GABBR2: variants seen among roughly 807,000 people sequenced by gnomAD.
GABBR2 encodes the protein G-protein coupled receptor 51.
GABBR2 carries 23 observed loss-of-function variants against 105.6 expected under a neutral mutation model. That is an observed-to-expected ratio of 0.22 (90% CI 0.16 to 0.31). GABBR2 has a LOEUF of 0.31. Among genes scored for constraint, GABBR2 ranks in the 10% least tolerant of loss-of-function variants. The pLI is 1.00. For synonymous variants in GABBR2, 478 were observed against 499.7 expected (o/e 0.96, Z 0.58); for missense variants, 734 against 1,245.5 (o/e 0.59, Z 6.18).
At chr9:98,561,341 C>G (rs1828671830) in intron 2 of GABBR2, among the ~76,000 whole-genome samples, 1 of 151,672 alleles carries the variant, frequency 6.6e-6, no homozygotes, top group Non-Finnish European at 1.5e-5. Context: ...AACAAGTATA[C>G]CTAGTACCCA....
At chr9:98,530,356 G>A (rs1828041474) in intron 3 of GABBR2, among the ~76,000 whole-genome samples, 1 of 152,178 alleles carries the variant, frequency 6.6e-6, no homozygotes, top group African/African-American at 2.4e-5. Context: ...GGGGATATTG[G>A]CCCCAGACTC....
chr9:98,618,568 TTCTC>T (rs370457548), intron 1 of GABBR2, among the ~76,000 whole-genome samples: 27 of 149,430 alleles, frequency 1.8e-4, no homozygotes, highest in African/African-American at 5.2e-4. Flanking sequence ...TTCTGTCTAT[TTCTC>T]TCTCTCTCTC....
chr9:98,289,910 C>T lies in GABBR2; in HGVS notation c.*674G>A, dbSNP rs577090124. 7.2e-5 allele frequency: 11 copies of T among 152,680 alleles called. No individual in the cohort carries two copies. Among genetic ancestry groups the T allele is most frequent in the African/African-American group, 2.6e-4 (11 of 41,586 alleles). The allele number at this position is 152,680 out of a possible 1,614,324, so 9.5% of individuals were successfully genotyped here. ...TGGGTGTTATTGTGTTAACGTGTGG[C>T]ATTTACCAGAGTAACAAACATCTCA... On this transcript the variant is annotated 3_prime_UTR_variant, in exon 19 of 19. Transcript: ENST00000259455.
chr9:98,308,888 G>T (rs1418376280), intron 14 of GABBR2, among the ~76,000 whole-genome samples: 3 of 152,226 alleles, frequency 2.0e-5, no homozygotes, highest in African/African-American at 7.2e-5. Flanking sequence ...TCCACGAATG[G>T]CACAGGCTCC....
Position 98,386,549 on chromosome 9 carries a change from G to A in GABBR2, c.1530-777C>T, listed in dbSNP as rs1014798280. 2.6e-5 allele frequency among the ~76,000 whole-genome samples: 4 copies of A among 152,234 alleles called. 1 individual carries two copies. In the Middle Eastern group the frequency reaches 0.01, roughly 388 times the overall value. On this transcript the variant is annotated intron_variant, in intron 10 of 18. Coordinates refer to ENST00000259455, the MANE Select transcript of GABBR2 (RefSeq NM_005458.8). ...GGGAGCATTCTTTATACTTCCAGACGCTGCATCCTTCTCTGTCATTTCCTC... is the reference window on the plus strand; with the variant it reads ...GGGAGCATTCTTTATACTTCCAGACACTGCATCCTTCTCTGTCATTTCCTC...
chr9:98,635,921 G>A (rs1829869187), intron 1 of GABBR2, among the ~76,000 whole-genome samples: 1 of 152,078 alleles, frequency 6.6e-6, no homozygotes, highest in Admixed American at 6.5e-5. Context: ...TTCACAACCA[G>A]ACTCTAGCCT....
intron 13 of GABBR2, among the ~76,000 whole-genome samples, chr9:98,312,415 G>A (rs1009585560): frequency 4.6e-5 from 7 of 152,146 alleles, no homozygotes; most frequent in Non-Finnish European, 1.0e-4. Flanking sequence ...TTCTTGTCAG[G>A]AATCCTACAT....
At chr9:98,557,186 G>A in intron 2 of GABBR2, among the ~76,000 whole-genome samples, 1 of 152,160 alleles carries the variant, frequency 6.6e-6, no homozygotes. Context: ...TTTTGCTCCA[G>A]CGTCCTCTCT....
At chr9:98,355,228 T>A (rs918560839) in intron 13 of GABBR2, among the ~76,000 whole-genome samples, 7 of 151,712 alleles carry the variant, frequency 4.6e-5, no homozygotes, top group African/African-American at 1.7e-4. Context: ...TGATCACAGA[T>A]CACCATAATA....
intron 6 of GABBR2, among the ~76,000 whole-genome samples, chr9:98,468,551 G>T (rs979850854): frequency 2.0e-5 from 3 of 152,116 alleles, no homozygotes; most frequent in African/African-American, 7.2e-5. Context: ...AAAAACTAAT[G>T]CAAGAAACCC....
At chr9:98,602,393 A>T (rs1331356190) in intron 1 of GABBR2, among the ~76,000 whole-genome samples, 1 of 145,522 alleles carries the variant, frequency 6.9e-6, no homozygotes, top group Admixed American at 7.1e-5. Flanking sequence ...AATCGCTTGA[A>T]CCCGGGAGGC....
intron 1 of GABBR2, among the ~76,000 whole-genome samples, chr9:98,673,972 T>A (rs1485036180): frequency 6.6e-6 from 1 of 152,174 alleles, no homozygotes; most frequent in Non-Finnish European, 1.5e-5. Context: ...CCTGTCCACA[T>A]ACCCCACATC....
intron 1 of GABBR2, among the ~76,000 whole-genome samples, chr9:98,635,449 G>C (rs1473339297): frequency 6.6e-6 from 1 of 152,164 alleles, no homozygotes; most frequent in Non-Finnish European, 1.5e-5. Flanking sequence ...TGGAGTAATT[G>C]TCAGGAAGTT....
At chr9:98,479,303 G>A (rs1240513166) in intron 5 of GABBR2, among the ~76,000 whole-genome samples, 1 of 152,142 alleles carries the variant, frequency 6.6e-6, no homozygotes, top group African/African-American at 2.4e-5. Flanking sequence ...AGGGTTCACT[G>A]TACATGAGGT....
intron 11 of GABBR2, among the ~76,000 whole-genome samples, chr9:98,384,017 A>G (rs1832027316): frequency 6.6e-6 from 1 of 152,170 alleles, no homozygotes; most frequent in Non-Finnish European, 1.5e-5. Context: ...CTGCTTTGCA[A>G]AAAAGGGCCC....
intron 1 of GABBR2, among the ~76,000 whole-genome samples, chr9:98,660,442 T>C (rs1830244018): frequency 6.6e-6 from 1 of 152,260 alleles, no homozygotes; most frequent in African/African-American, 2.4e-5. Flanking sequence ...TTAATTTTAA[T>C]TCAATTGATA....
At chr9:98,472,534 G>A (rs933179102) in intron 6 of GABBR2, among the ~76,000 whole-genome samples, 2 of 152,122 alleles carry the variant, frequency 1.3e-5, no homozygotes, top group African/African-American at 4.8e-5. Context: ...CCAGAAGGGG[G>A]TTATCACAGA....
chr9:98,685,537 A>G (rs1830609853), intron 1 of GABBR2, among the ~76,000 whole-genome samples: 1 of 152,178 alleles, frequency 6.6e-6, no homozygotes, highest in South Asian at 2.1e-4. Context: ...CCCTCAGTGC[A>G]CACCTTCTGA....
chr9:98,676,732 T>C (rs1830482402), intron 1 of GABBR2, among the ~76,000 whole-genome samples: 1 of 152,100 alleles, frequency 6.6e-6, no homozygotes, highest in African/African-American at 2.4e-5. Context: ...TGAATGACCT[T>C]GTGGAGCAGA....
Sources: allele counts gnomAD v4.1 joint callset (sites outside exome capture counted in the v4.1 genomes callset), GRCh38; gene constraint gnomAD v4.1.1; transcripts MANE v1.5; gene names NCBI Gene and HGNC (gene_info 2026-07-23, HGNC 2026-07-21).